The following DLG2 variants were observed in gnomAD, a reference collection of about 807,000 sequenced individuals.
The protein encoded by DLG2 is discs large MAGUK scaffold protein 2.
A neutral mutation model predicts 132.5 loss-of-function variants in DLG2; 45 were observed. The ratio of observed to expected loss-of-function variants is 0.34; its 90% CI spans 0.27 to 0.44. DLG2 has a LOEUF of 0.44. Ranked by LOEUF, DLG2 falls within the 20% of genes least tolerant of loss-of-function variation. DLG2 has a pLI of 1.00. For synonymous variants in DLG2, 424 were observed against 419.6 expected (o/e 1.01, Z -0.13); for missense variants, 1,045 against 1,196.9 (o/e 0.87, Z 1.87).
chr11:85,340,092 G>A (rs556416160), intron 3 of DLG2, among the ~76,000 whole-genome samples: 2 of 152,256 alleles, frequency 1.3e-5, no homozygotes, highest in East Asian at 3.9e-4. Context: ...GATTCCTCAA[G>A]GATCTAGAAC....
At chr11:83,770,073 G>T (rs905961433) in intron 18 of DLG2, among the ~76,000 whole-genome samples, 1 of 152,092 alleles carries the variant, frequency 6.6e-6, no homozygotes. Flanking sequence ...GTCATACTGT[G>T]TTTGTTGTTG....
chr11:83,794,230 T>C lies in DLG2; in HGVS notation c.1723-7438A>G, dbSNP rs114688137. 4.1e-3 allele frequency among the ~76,000 whole-genome samples: 625 copies of C among 152,326 alleles called. 7 individuals carry two copies. Among genetic ancestry groups the C allele is most frequent in the African/African-American group, 0.015 (603 of 41,570 alleles). On this transcript the variant is annotated intron_variant, in intron 17 of 27. Transcript: ENST00000376104. Reference sequence around the variant, plus strand: ...AAATATCATATTGCCCTTGTTCCTGTTGATTTCTTCCCTGGTTTTAGCAAA... The same window carrying C: ...AAATATCATATTGCCCTTGTTCCTGCTGATTTCTTCCCTGGTTTTAGCAAA...
intron 6 of DLG2, among the ~76,000 whole-genome samples, chr11:84,810,862 A>T (rs2076476873): frequency 6.6e-6 from 1 of 152,192 alleles, no homozygotes; most frequent in Non-Finnish European, 1.5e-5. Flanking sequence ...TTTGTATAAC[A>T]TTATTTAAAG....
chr11:83,509,656 C>T (rs1420912509), intron 21 of DLG2, among the ~76,000 whole-genome samples: 1 of 152,038 alleles, frequency 6.6e-6, no homozygotes, highest in Non-Finnish European at 1.5e-5. Flanking sequence ...AGAAATATAC[C>T]TTGTGAGTTA....
intron 7 of DLG2, among the ~76,000 whole-genome samples, chr11:84,464,939 CA>C (rs1221591186): frequency 1.3e-5 from 2 of 150,920 alleles, no homozygotes. Context: ...TAAATATAAA[CA>C]AAAAAATCCG....
chr11:84,053,178 A>G (rs2096432304), intron 11 of DLG2, among the ~76,000 whole-genome samples: 1 of 152,102 alleles, frequency 6.6e-6, no homozygotes, highest in African/African-American at 2.4e-5. Flanking sequence ...AAAGCCAGAT[A>G]CAGCATGTTC....
At chr11:85,520,306 T>C (rs922900097) in intron 3 of DLG2, among the ~76,000 whole-genome samples, 2 of 152,058 alleles carry the variant, frequency 1.3e-5, no homozygotes, top group African/African-American at 4.8e-5. Context: ...AAGATCTCTA[T>C]AATGAGAACG....
At chr11:85,057,569 T>C (rs985270498) in intron 6 of DLG2, among the ~76,000 whole-genome samples, 1 of 151,680 alleles carries the variant, frequency 6.6e-6, no homozygotes, top group Admixed American at 6.6e-5. Context: ...AGAGGTGAAT[T>C]ATTCCAAATA....
chr11:83,966,111 ATTTC>A (rs1052126744), intron 12 of DLG2, among the ~76,000 whole-genome samples: 2 of 151,952 alleles, frequency 1.3e-5, no homozygotes, highest in African/African-American at 4.8e-5. Context: ...CTCTGATAAT[ATTTC>A]TTTGATACAC....
chr11:84,558,200 A>G (rs1008711274), intron 6 of DLG2, among the ~76,000 whole-genome samples: 1 of 152,168 alleles, frequency 6.6e-6, no homozygotes, highest in Non-Finnish European at 1.5e-5. Context: ...TGAACAAATA[A>G]AAAAACTTCA....
At chr11:84,357,727 T>C in intron 7 of DLG2, among the ~76,000 whole-genome samples, 1 of 151,982 alleles carries the variant, frequency 6.6e-6, no homozygotes, top group Non-Finnish European at 1.5e-5. Context: ...ACCTGTTGTT[T>C]CTTTTCTAAA....
At chr11:83,625,415 G>A (rs1408329509) in intron 19 of DLG2, among the ~76,000 whole-genome samples, 3 of 152,196 alleles carry the variant, frequency 2.0e-5, no homozygotes, top group South Asian at 2.1e-4. Flanking sequence ...GCAGGAAGTA[G>A]AGTGAAAAGA....
At position 84,347,746 on chromosome 11, in the gene DLG2, T is replaced by C. The variant is rs146551726; in HGVS notation, c.520-96455A>G. Among the ~76,000 whole-genome samples the C allele has an allele frequency of 9.9e-3, 1,505 of 152,194 alleles. 17 individuals carry two copies. The highest frequency in any genetic ancestry group is 0.016 in the Non-Finnish European group (1,094 of 68,008). ...TTGTGACAATGAAATGGCCAAGAGG[T>C]TTACAGAGATGTCAGCCCTGATATA... is the stretch of plus-strand genomic sequence containing the variant. On this transcript the variant is annotated intron_variant, in intron 7 of 27. Transcript: ENST00000376104.
chr11:84,712,205 T>C (rs937640812), intron 6 of DLG2, among the ~76,000 whole-genome samples: 8 of 152,112 alleles, frequency 5.3e-5, no homozygotes, highest in Non-Finnish European at 5.9e-5. Flanking sequence ...TTCTGAATTG[T>C]ACAATTCAAT....
chr11:85,228,331 A>G (rs566466775), intron 4 of DLG2, among the ~76,000 whole-genome samples: 1 of 152,084 alleles, frequency 6.6e-6, no homozygotes, highest in Non-Finnish European at 1.5e-5. Flanking sequence ...CCAGATAGCA[A>G]AGGGGATTCA....
intron 8 of DLG2, among the ~76,000 whole-genome samples, chr11:84,170,499 T>A (rs910725872): frequency 1.7e-4 from 26 of 152,260 alleles, no homozygotes; most frequent in African/African-American, 6.3e-4. Context: ...GTCTATAGAC[T>A]GCAGCAGCTG....
At chr11:84,966,237 T>C (rs2053321024) in intron 6 of DLG2, among the ~76,000 whole-genome samples, 1 of 152,072 alleles carries the variant, frequency 6.6e-6, no homozygotes. Flanking sequence ...TGTTTGTATA[T>C]CTATATCACA....
At chr11:84,433,712 C>T (rs1230095195) in intron 7 of DLG2, among the ~76,000 whole-genome samples, 1 of 152,144 alleles carries the variant, frequency 6.6e-6, no homozygotes, top group Non-Finnish European at 1.5e-5. Context: ...AATTGCCAGG[C>T]ATTTAGGTCC....
intron 6 of DLG2, among the ~76,000 whole-genome samples, chr11:84,806,004 A>T (rs1355426814): frequency 6.6e-6 from 1 of 152,234 alleles, no homozygotes; most frequent in Non-Finnish European, 1.5e-5. Flanking sequence ...TGCAAAAACC[A>T]AACTGGAATT....
Sources: allele counts gnomAD v4.1 joint callset (sites outside exome capture counted in the v4.1 genomes callset), GRCh38; gene constraint gnomAD v4.1.1; transcripts MANE v1.5; gene names NCBI Gene and HGNC (gene_info 2026-07-23, HGNC 2026-07-21).